PLCXD1: variants seen among roughly 807,000 people sequenced by gnomAD.
PLCXD1 encodes the protein PI-PLC X domain-containing protein 1.
Under a neutral mutation model 37.8 loss-of-function variants are expected in PLCXD1, and 45 were observed. The observed-to-expected ratio is 1.19, with a 90% CI of 0.94 to 1.53. PLCXD1 has a LOEUF of 1.53. Among genes scored for constraint, PLCXD1 ranks in the 40% most tolerant of loss-of-function variants. PLCXD1 has a pLI of 0.00. For synonymous variants in PLCXD1, 246 were observed against 206.9 expected (o/e 1.19, Z -1.62); for missense variants, 539 against 454.7 (o/e 1.19, Z -1.69).
chrX:285,743 G>T (rs1255328659), intron 2 of PLCXD1, among the ~76,000 whole-genome samples: 1 of 151,968 alleles, frequency 6.6e-6, no homozygotes, highest in Non-Finnish European at 1.5e-5. Flanking sequence ...ATAGGCATAC[G>T]GACACACATA....
Position 300,569 on chromosome X carries a change from T to C in PLCXD1, c.*1234T>C, listed in dbSNP as rs1436565269. ...ATATGTGTATGCATGTATATGTGTATGTGTACATGTATATGTGTTTATACA... is the reference window on the plus strand; with the variant it reads ...ATATGTGTATGCATGTATATGTGTACGTGTACATGTATATGTGTTTATACA... On this transcript the variant is annotated 3_prime_UTR_variant, in exon 7 of 7. Transcript: ENST00000381657. The C allele has an allele frequency of 2.2e-5, 3 of 134,414 alleles. No homozygotes were observed. The highest frequency in any genetic ancestry group is 4.0e-5 in the African/African-American group (1 of 25,314). 8.3% of individuals were successfully genotyped at this position (134,414 alleles called of 1,614,324 possible).
intron 2 of PLCXD1, among the ~76,000 whole-genome samples, chrX:286,878 G>T (rs1275250161): frequency 6.6e-6 from 1 of 151,964 alleles, no homozygotes; most frequent in African/African-American, 2.4e-5. Context: ...GGGGCAGCAG[G>T]AGAAGTACTG....
At chrX:294,486 A>G (rs1239430511) in intron 6 of PLCXD1, among the ~76,000 whole-genome samples, 2 of 148,406 alleles carry the variant, frequency 1.3e-5, no homozygotes, top group Non-Finnish European at 3.0e-5. Context: ...TGTCTCAAAA[A>G]AAAAAAAAAA....
At position 299,443 on chromosome X, in the gene PLCXD1, A is replaced by G. The variant is rs2069931026; in HGVS notation, c.*108A>G. ...TGTTGGTGATCATAGGACCGATGAT[A>G]ATACGTTTTCATTTTCTTTAAAATA... is the stretch of plus-strand genomic sequence containing the variant. On this transcript the variant is annotated 3_prime_UTR_variant, in exon 7 of 7. Transcript: ENST00000381657. 7 of 833,856 alleles carry G rather than the reference A, an allele frequency of 8.4e-6. No homozygotes were observed. Among genetic ancestry groups the G allele is most frequent in the East Asian group, 2.4e-5 (1 of 40,874 alleles). The allele number at this position is 833,856 out of a possible 1,614,324, so 51.7% of individuals were successfully genotyped here. A position where few individuals can be genotyped will look rare whatever the true frequency, so the allele number is the denominator to read the frequency against.
intron 2 of PLCXD1, among the ~76,000 whole-genome samples, chrX:288,000 C>A (rs1460652703): frequency 3.3e-5 from 5 of 152,124 alleles, no homozygotes. Context: ...AGGGGAGGGT[C>A]CTTCCTGCCT....
intron 5 of PLCXD1, 126 bp downstream of exon 5, chrX:291,780 G>C: frequency 1.9e-6 from 2 of 1,054,970 alleles, no homozygotes; most frequent in Admixed American, 3.5e-5. Context: ...GCCGTCGAAC[G>C]GGGGCTGCCT....
In PLCXD1 at chrX:293,953, G is replaced by A. The variant is rs774190317; in HGVS notation, c.733+735G>A. Among the ~76,000 whole-genome samples, 117 of 152,286 alleles carry A rather than the reference G, an allele frequency of 7.7e-4. 1 individual carries two copies. The highest frequency in any genetic ancestry group is 2.8e-3 in the African/African-American group (117 of 41,560). ...AATGTTCTGGAACTAGGGAGAGGTC[G>A]GAGTTGCACAACGTGAATCCACTTT... On this transcript the variant is annotated intron_variant, in intron 6 of 6. Transcript: ENST00000381657.
chrX:291,664 G>A lies in PLCXD1; in HGVS notation c.549+10G>A, dbSNP rs372538298. 7 of 1,611,868 alleles carry A rather than the reference G, an allele frequency of 4.3e-6. No individual in the cohort carries two copies. The highest frequency in any genetic ancestry group is 4.0e-5 in the African/African-American group (3 of 74,870). Reference sequence around the variant, plus strand: ...GCTGTGTCCTCGTGGGGTGAGGAGGGGAAGGATATCCGCACGTCTCTCCCG... The same window carrying A: ...GCTGTGTCCTCGTGGGGTGAGGAGGAGAAGGATATCCGCACGTCTCTCCCG... On this transcript the variant is annotated intron_variant, in intron 5 of 6. Coordinates refer to ENST00000381657, the MANE Select transcript of PLCXD1 (RefSeq NM_018390.4).
upstream of PLCXD1, among the ~76,000 whole-genome samples, chrX:276,624 G>C (rs2069162344): frequency 6.6e-6 from 1 of 152,180 alleles, no homozygotes; most frequent in Non-Finnish European, 1.5e-5. Context: ...TGCACCCCTT[G>C]CAGACCGTGA....
chrX:286,898 C>CTT (rs1330156387), intron 2 of PLCXD1, among the ~76,000 whole-genome samples: 1 of 151,812 alleles, frequency 6.6e-6, no homozygotes, highest in Non-Finnish European at 1.5e-5. Context: ...GGTCTCCTTC[C>CTT]TTAACACCTT....
chrX:295,664 A>G (rs1393101944), intron 6 of PLCXD1, among the ~76,000 whole-genome samples: 1 of 150,950 alleles, frequency 6.6e-6, no homozygotes, highest in Non-Finnish European at 1.5e-5. Flanking sequence ...AGCTGGGACT[A>G]CAGGCGCCCG....
At chrX:291,319 T>C (rs2069626585) in intron 4 of PLCXD1, among the ~76,000 whole-genome samples, 180 bp from the exon 5 acceptor site, 1 of 152,060 alleles carries the variant, frequency 6.6e-6, no homozygotes, top group Admixed American at 6.5e-5. Flanking sequence ...CTAATTTTTG[T>C]ATTTTTAGTA....
intron 4 of PLCXD1, among the ~76,000 whole-genome samples, chrX:291,192 C>A (rs2069623426): frequency 6.6e-6 from 1 of 151,106 alleles, no homozygotes; most frequent in African/African-American, 2.4e-5. Flanking sequence ...GTCGCCCAGG[C>A]TGGAGTGCAG....
upstream of PLCXD1, among the ~76,000 whole-genome samples, chrX:278,696 A>C (rs908668892): frequency 4.1e-5 from 6 of 147,436 alleles, no homozygotes; most frequent in Non-Finnish European, 7.4e-5. Flanking sequence ...CCGAGATTGC[A>C]CCACTGCACT....
At chrX:293,755 G>T (rs1481352762) in intron 6 of PLCXD1, among the ~76,000 whole-genome samples, 1 of 152,176 alleles carries the variant, frequency 6.6e-6, no homozygotes, top group East Asian at 1.9e-4. Context: ...ATCACGCTCA[G>T]TGAGAGAAGC....
At position 300,864 on chromosome X, in the gene PLCXD1, C is replaced by T. The variant is rs1435169652; in HGVS notation, c.*1529C>T. 3.3e-5 allele frequency: 5 copies of T among 152,036 alleles called. No individual in the cohort carries two copies. Among genetic ancestry groups the T allele is most frequent in the Non-Finnish European group, 5.9e-5 (4 of 68,020 alleles). 9.4% of individuals were successfully genotyped at this position (152,036 alleles called of 1,614,324 possible). ...GATGACAGGCATGTGCCACCACACC[C>T]GACTAATTTCATATATTTAGTAGAG... On this transcript the variant is annotated 3_prime_UTR_variant, in exon 7 of 7. Transcript: ENST00000381657.
At chrX:284,405 G>A in intron 2 of PLCXD1, 91 bp downstream of exon 2, 1 of 1,449,068 alleles carries the variant, frequency 6.9e-7, no homozygotes, top group Non-Finnish European at 9.6e-7. Flanking sequence ...CCCCAGTGGG[G>A]ACGCTGGCTG....
chrX:291,453 T>C (rs772619581), intron 4 of PLCXD1, 46 bp from the exon 5 acceptor site: 3 of 1,601,096 alleles, frequency 1.9e-6, no homozygotes, highest in South Asian at 1.1e-5. Flanking sequence ...GCCTTCCCTG[T>C]GGTGTTGGAG....
chrX:298,897 G>A (rs1380919205), intron 6 of PLCXD1, among the ~76,000 whole-genome samples, 200 bp from the exon 7 acceptor site: 1 of 152,104 alleles, frequency 6.6e-6, no homozygotes, highest in Admixed American at 6.6e-5. Flanking sequence ...TCTCCCACAC[G>A]GTGTTACGAC....
Sources: allele counts gnomAD v4.1 joint callset (sites outside exome capture counted in the v4.1 genomes callset), GRCh38; gene constraint gnomAD v4.1.1; transcripts MANE v1.5; gene names NCBI Gene and HGNC (gene_info 2026-07-23, HGNC 2026-07-21).